The following MYOF variants were observed in gnomAD, a reference collection of about 807,000 sequenced individuals.
The protein encoded by MYOF is myoferlin, also known as fer-1-like 3, myoferlin.
Under a neutral mutation model 284.2 loss-of-function variants are expected in MYOF, and 244 were observed. The ratio of observed to expected loss-of-function variants is 0.86; its 90% confidence interval spans 0.77 to 0.95. The LOEUF is 0.95. Ranked by LOEUF, MYOF falls within the 40% of genes least tolerant of loss-of-function variation. The pLI is 0.00. For synonymous variants in MYOF, 904 were observed against 919.7 expected (o/e 0.98, Z 0.31); for missense variants, 2,496 against 2,560.6 (o/e 0.97, Z 0.54).
At chr10:93,361,690 T>G in intron 27 of MYOF, 133 bp from the exon 28 acceptor site, 1 of 714,586 alleles carries the variant, frequency 1.4e-6, no homozygotes, top group Non-Finnish European at 2.3e-6. Flanking sequence ...GAGATCCATT[T>G]CACTCAGAAA....
chr10:93,337,903 A>G lies in MYOF; in HGVS notation c.4349T>C (p.Ile1450Thr). Residue 1450 changes from isoleucine to threonine, a missense_variant, in exon 40 of 54, where the codon ATC becomes ACC. Ile to Thr is a moderately conservative substitution (Grantham distance 89, BLOSUM62 -1). Around this residue, in one of 3 missense-constraint regions of MYOF, gnomAD observed 2,436 missense variants for 2,480.7 expected, o/e 0.98. Coordinates refer to ENST00000359263, the MANE Select transcript of MYOF (RefSeq NM_013451.4). ...ASKLTEKEEE[I>T]VDWWSKFYAS... ...ATAAAATTTACTCCACCAGTCCACG[A>G]TTTCTTCCTCCTAAAGACATGCCAA... 1 of 1,613,666 alleles carries G rather than the reference A, an allele frequency of 6.2e-7. No individual in the cohort carries two copies. The highest frequency in any genetic ancestry group is 8.5e-7 in the Non-Finnish European group (1 of 1,179,706).
intron 31 of MYOF, among the ~76,000 whole-genome samples, chr10:93,354,273 G>T (rs1325429890): frequency 6.6e-6 from 1 of 152,124 alleles, no homozygotes; most frequent in East Asian, 1.9e-4. Context: ...AGCTACTCAG[G>T]AGGCTGAGGC....
intron 50 of MYOF, among the ~76,000 whole-genome samples, chr10:93,314,894 C>G (rs1003030868): frequency 6.6e-6 from 1 of 152,058 alleles, no homozygotes; most frequent in African/African-American, 2.4e-5. Context: ...ACAAAACATA[C>G]ACAAAATTAT....
intron 18 of MYOF, 29 bp from the exon 19 acceptor site, chr10:93,387,942 T>G: frequency 6.5e-7 from 1 of 1,549,574 alleles, no homozygotes; most frequent in Non-Finnish European, 8.9e-7. Context: ...GGATTATTCC[T>G]CTAGGCAGCA....
intron 3 of MYOF, among the ~76,000 whole-genome samples, chr10:93,442,041 C>CACACAGAGAGAG (rs57700900): frequency 4.2e-5 from 6 of 142,626 alleles, no homozygotes; most frequent in South Asian, 2.3e-4. Flanking sequence ...CACACACACA[C>CACACAGAGAGAG]AGAATAAACC....
chr10:93,327,535 T>C (rs1341583004), intron 45 of MYOF, among the ~76,000 whole-genome samples: 1 of 152,120 alleles, frequency 6.6e-6, no homozygotes, highest in East Asian at 1.9e-4. Context: ...TTACTAAGTT[T>C]GGGGTGATCT....
intron 27 of MYOF, among the ~76,000 whole-genome samples, chr10:93,362,314 C>G (rs940048521): frequency 2.0e-5 from 3 of 151,528 alleles, no homozygotes; most frequent in African/African-American, 7.3e-5. Context: ...GGTGCAATCT[C>G]GAGTCACTGC....
chr10:93,443,642 C>T (rs1564723573), intron 3 of MYOF, among the ~76,000 whole-genome samples: 1 of 152,142 alleles, frequency 6.6e-6, no homozygotes, highest in Non-Finnish European at 1.5e-5. Context: ...GGAAATGAGT[C>T]TCTCTAGGCA....
At chr10:93,447,543 C>A (rs1245671926) in intron 3 of MYOF, among the ~76,000 whole-genome samples, 1 of 145,482 alleles carries the variant, frequency 6.9e-6, no homozygotes, top group East Asian at 2.1e-4. Context: ...GCCAGTTATG[C>A]TTCTGTAAAA....
rs1352935660 is a variant in MYOF, at chr10:93,355,717, T to A, written c.3314A>T (p.Asp1105Val). ...EGALGADTTE[D>V]GDEKSLEKQK... Reference sequence around the variant, plus strand: ...TTTCTCCAGGCTCTTCTCATCCCCATCTTCGGTAGTGTCTGCCCCCTGAAG... The same window carrying A: ...TTTCTCCAGGCTCTTCTCATCCCCAACTTCGGTAGTGTCTGCCCCCTGAAG... The change falls in exon 31 of 54, where the codon GAT becomes GTT. Residue 1105 changes from aspartate (D) to valine (V), a missense_variant. Asp to Val is a radical substitution (Grantham distance 152). Coordinates refer to ENST00000359263, the MANE Select transcript of MYOF (RefSeq NM_013451.4). The A allele has an allele frequency of 9.9e-6, 16 of 1,612,880 alleles. No homozygotes were observed. Among genetic ancestry groups the A allele is most frequent in the African/African-American group, 1.3e-5 (1 of 74,936 alleles).
chr10:93,368,014 A>T (rs997230565), intron 25 of MYOF, among the ~76,000 whole-genome samples: 5 of 152,100 alleles, frequency 3.3e-5, no homozygotes, highest in African/African-American at 7.2e-5. Flanking sequence ...AAGGATCCAA[A>T]AATGGGAAAG....
intron 38 of MYOF, among the ~76,000 whole-genome samples, chr10:93,340,628 T>C (rs1484889007): frequency 6.6e-6 from 1 of 152,200 alleles, no homozygotes; most frequent in East Asian, 1.9e-4. Context: ...TCACAAGATA[T>C]GTTTGACTGC....
chr10:93,404,249 T>C (rs1302650664), intron 7 of MYOF, 30 bp from the exon 8 acceptor site: 6 of 1,610,722 alleles, frequency 3.7e-6, no homozygotes, highest in Non-Finnish European at 5.1e-6. Flanking sequence ...GATGTTTAAA[T>C]GTTAACAGGG....
At chr10:93,474,263 C>T (rs111902560) in intron 1 of MYOF, among the ~76,000 whole-genome samples, 67 of 152,306 alleles carry the variant, frequency 4.4e-4, no homozygotes, top group Non-Finnish European at 7.9e-4. Context: ...ATCTGCTGTT[C>T]ACATTGCGGC....
chr10:93,382,248 T>C (rs1046329073), intron 19 of MYOF, among the ~76,000 whole-genome samples: 2 of 134,920 alleles, frequency 1.5e-5, no homozygotes, highest in African/African-American at 5.0e-5. Flanking sequence ...CTCTATTTTC[T>C]TTTTTTTTGA....
intron 1 of MYOF, among the ~76,000 whole-genome samples, chr10:93,462,673 G>A (rs745685245): frequency 1.3e-5 from 2 of 150,774 alleles, no homozygotes; most frequent in Admixed American, 1.3e-4. Context: ...AGGCTCTGAT[G>A]TTTATCAAAA....
At chr10:93,340,236 G>A (rs1843835635) in intron 38 of MYOF, 72 bp from the exon 39 acceptor site, 2 of 1,533,930 alleles carry the variant, frequency 1.3e-6, no homozygotes. Flanking sequence ...GAGACCCCAG[G>A]AACATGAAGT....
intron 3 of MYOF, among the ~76,000 whole-genome samples, chr10:93,449,136 G>A (rs750269570): frequency 4.6e-5 from 7 of 152,214 alleles, no homozygotes; most frequent in Admixed American, 1.3e-4. Flanking sequence ...GAATTGAGAG[G>A]TGCTGTAAGT....
intron 40 of MYOF, 160 bp downstream of exon 40, chr10:93,337,655 C>T (rs1275019017): frequency 2.0e-5 from 12 of 590,484 alleles, no homozygotes; most frequent in South Asian, 7.3e-5. Context: ...TTGGCAAAGC[C>T]GAAACTCATG....
Sources: allele counts gnomAD v4.1 joint callset (sites outside exome capture counted in the v4.1 genomes callset), GRCh38; gene constraint gnomAD v4.1.1; regional missense constraint gnomAD v4.1.1; transcripts MANE v1.5; gene names NCBI Gene and HGNC (gene_info 2026-07-23, HGNC 2026-07-21).